The following IGF2BP3 variants were observed in gnomAD, a reference collection of about 807,000 sequenced individuals.
The protein encoded by IGF2BP3 is insulin like growth factor 2 mRNA binding protein 3.
A neutral mutation model predicts 73.8 loss-of-function variants in IGF2BP3; 9 were observed. The observed-to-expected ratio is 0.12, with a 90% CI of 0.07 to 0.21. The LOEUF is 0.21. Among genes scored for constraint, IGF2BP3 ranks in the 10% least tolerant of loss-of-function variants. The pLI is 1.00. For missense variants in IGF2BP3, 542 were observed against 714.0 expected (o/e 0.76, Z 2.75); for synonymous variants, 258 against 256.7 (o/e 1.01, Z -0.05).
intron 2 of IGF2BP3, among the ~76,000 whole-genome samples, chr7:23,429,747 T>C (rs573141377): frequency 1.3e-5 from 2 of 152,252 alleles, no homozygotes; most frequent in African/African-American, 2.4e-5. Context: ...AAAACACAAC[T>C]ACTCAGTTGT....
At chr7:23,423,246 T>C (rs1299734832) in intron 2 of IGF2BP3, among the ~76,000 whole-genome samples, 2 of 152,190 alleles carry the variant, frequency 1.3e-5, no homozygotes, top group Non-Finnish European at 2.9e-5. Context: ...ATTATAATCA[T>C]CCAGCACAGA....
At chr7:23,453,612 A>G (rs922522371) in intron 2 of IGF2BP3, among the ~76,000 whole-genome samples, 2 of 152,216 alleles carry the variant, frequency 1.3e-5, no homozygotes, top group African/African-American at 4.8e-5. Flanking sequence ...GTTGTTTTCC[A>G]TAACACTTAG....
At chr7:23,464,423 A>C (rs1023340172) in intron 2 of IGF2BP3, among the ~76,000 whole-genome samples, 1 of 152,228 alleles carries the variant, frequency 6.6e-6, no homozygotes, top group Non-Finnish European at 1.5e-5. Context: ...AATGGTGTTA[A>C]ATACATTCAT....
At chr7:23,317,611 G>A (rs989990069) in intron 12 of IGF2BP3, 28 bp downstream of exon 12, 1 of 1,563,748 alleles carries the variant, frequency 6.4e-7, no homozygotes. Context: ...GTTACCTGTG[G>A]ACATAGCACA....
intron 12 of IGF2BP3, among the ~76,000 whole-genome samples, chr7:23,316,339 G>C (rs73279760): frequency 0.019 from 2,823 of 152,146 alleles, 87 homozygotes; most frequent in African/African-American, 0.065. Flanking sequence ...GGTGGGGAGA[G>C]AACTGTATGC....
chr7:23,375,073 T>C (rs187820729), intron 3 of IGF2BP3, among the ~76,000 whole-genome samples: 17 of 152,358 alleles, frequency 1.1e-4, no homozygotes, highest in African/African-American at 3.8e-4. Flanking sequence ...TTGTTGAGTT[T>C]TAAATTTTCA....
intron 3 of IGF2BP3, among the ~76,000 whole-genome samples, chr7:23,369,009 A>G (rs377523090): frequency 5.3e-5 from 8 of 152,338 alleles, no homozygotes; most frequent in East Asian, 3.9e-4. Context: ...ACTAAAAGCA[A>G]CTTTACCAGG....
intron 5 of IGF2BP3, 97 bp downstream of exon 5, chr7:23,361,437 G>A (rs1785225494): frequency 2.2e-6 from 2 of 925,764 alleles, no homozygotes; most frequent in South Asian, 1.5e-5. Context: ...GTTTCTCTCT[G>A]CCACCTACCA....
intron 2 of IGF2BP3, among the ~76,000 whole-genome samples, chr7:23,452,375 AAAACACATGTCT>A (rs1788221798): frequency 6.6e-6 from 1 of 152,210 alleles, no homozygotes; most frequent in South Asian, 2.1e-4. Flanking sequence ...CAATATGGAA[AAAACACATGTCT>A]TTTTGCCAAG....
At chr7:23,428,730 GAA>G (rs576484578) in intron 2 of IGF2BP3, among the ~76,000 whole-genome samples, 1 of 129,064 alleles carries the variant, frequency 7.7e-6, no homozygotes, top group Non-Finnish European at 1.6e-5. Flanking sequence ...TTTTTAGGGG[GAA>G]AAAAAAAAAA....
At chr7:23,398,949 A>G (rs527502836) in intron 3 of IGF2BP3, among the ~76,000 whole-genome samples, 2 of 152,246 alleles carry the variant, frequency 1.3e-5, no homozygotes, top group East Asian at 1.9e-4. Flanking sequence ...TTTGGTTGCC[A>G]TTGCTTTTGG....
chr7:23,417,200 T>C (rs1787216078), intron 3 of IGF2BP3, among the ~76,000 whole-genome samples: 1 of 152,228 alleles, frequency 6.6e-6, no homozygotes, highest in South Asian at 2.1e-4. Flanking sequence ...AAAATTGTTT[T>C]TGTTGATCAA....
At chr7:23,437,397 C>T (rs929692850) in intron 2 of IGF2BP3, among the ~76,000 whole-genome samples, 2 of 151,866 alleles carry the variant, frequency 1.3e-5, no homozygotes, top group Admixed American at 6.6e-5. Context: ...GCAGGAGAAT[C>T]GCTTAAACCC....
intron 3 of IGF2BP3, among the ~76,000 whole-genome samples, chr7:23,406,659 G>A (rs959301543): frequency 6.6e-6 from 1 of 152,088 alleles, no homozygotes; most frequent in African/African-American, 2.4e-5. Context: ...AGTGTGGAAG[G>A]GGACCCTGGC....
At chr7:23,365,545 T>C (rs1453740501) in intron 3 of IGF2BP3, 1 of 152,160 alleles carries the variant, frequency 6.6e-6, no homozygotes, top group African/African-American at 2.4e-5. Flanking sequence ...ATGATACAGG[T>C]AAATTTTTTA....
chr7:23,425,875 G>T (rs563209170), intron 2 of IGF2BP3, among the ~76,000 whole-genome samples: 9 of 151,364 alleles, frequency 5.9e-5, no homozygotes, highest in Admixed American at 5.9e-4. Flanking sequence ...GAGGCAGGAG[G>T]ATCAACTGAG....
chr7:23,463,619 C>G (rs2128552086), intron 2 of IGF2BP3, among the ~76,000 whole-genome samples: 1 of 152,280 alleles, frequency 6.6e-6, no homozygotes, highest in Admixed American at 6.5e-5. Flanking sequence ...TGTAACTGAT[C>G]ACACAAATCA....
intron 3 of IGF2BP3, among the ~76,000 whole-genome samples, chr7:23,363,260 T>C (rs1048828751): frequency 1.3e-5 from 2 of 152,218 alleles, no homozygotes; most frequent in East Asian, 3.9e-4. Context: ...CTTCTGTTTT[T>C]AGTTTTGGGA....
At chr7:23,374,362 A>C (rs1365471416) in intron 3 of IGF2BP3, among the ~76,000 whole-genome samples, 1 of 152,174 alleles carries the variant, frequency 6.6e-6, no homozygotes, top group Non-Finnish European at 1.5e-5. Flanking sequence ...CAAGTCCCTT[A>C]TATAAAAATA....
Sources: gnomAD v4.1 joint callset for allele counts (sites outside exome capture counted in the v4.1 genomes callset) on GRCh38, gnomAD v4.1.1 for gene constraint, MANE v1.5 for transcripts, NCBI Gene and HGNC (gene_info 2026-07-23, HGNC 2026-07-21) for gene names.